Variants in BRCC3 observed in about 807,000 individuals in gnomAD.
The protein encoded by BRCC3 is BRCA1/BRCA2-containing complex subunit 3.
A neutral mutation model predicts 28.0 loss-of-function variants in BRCC3; 15 were observed. That is an observed-to-expected ratio of 0.54 (90% CI 0.36 to 0.82). BRCC3 has a LOEUF of 0.82. BRCC3 is among the 40% of genes least tolerant of loss of function. The pLI, the probability that BRCC3 is intolerant of heterozygous loss-of-function variation, is 0.01. For missense variants in BRCC3, 109 were observed against 225.9 expected (o/e 0.48, Z 3.32); for synonymous variants, 66 against 80.3 (o/e 0.82, Z 0.95).
chrX:155,115,395 G>A (rs1213204286), intron 7 of BRCC3, among the ~76,000 whole-genome samples: 3 of 111,801 alleles, frequency 2.7e-5, no homozygotes, highest in Non-Finnish European at 5.6e-5. Flanking sequence ...ACAGTGCCAG[G>A]GGCCTTCAAC....
In BRCC3 at chrX:155,083,471, A is replaced by G. The variant is rs1338143810; in HGVS notation, c.403+4768A>G. ...TGCCTCTCTTCCCCTTTTCCCTCCT[A>G]TTTTATCTTTGCCTCCTACATTCTC... On this transcript the variant is annotated intron_variant, in intron 5 of 10. Coordinates refer to ENST00000330045, the MANE Select transcript of BRCC3 (RefSeq NM_001018055.3). 2.7e-5 allele frequency among the ~76,000 whole-genome samples: 3 copies of G among 110,992 alleles called. No homozygotes were observed. The East Asian group carries it at 8.4e-4, about 31-fold the overall frequency.
rs1557299227 is a variant in BRCC3, at chrX:155,120,036, C to T, written c.762C>T (p.Val254=). The T allele has an allele frequency of 8.3e-7, 1 of 1,206,036 alleles. No homozygotes were observed. The highest frequency in any genetic ancestry group is 2.2e-5 in the Admixed American group (1 of 45,529). ...ATCTGTGCAGTCAGATGTCGGCAGT[C>T]AGCGGGCCTCTCCTACAGTGGTTGG... ...TKNLCSQMSA[V]SGPLLQWLED... Residue 254 remains valine (V), a synonymous_variant, in exon 10 of 11, where the codon GTC becomes GTT. Coordinates refer to ENST00000330045, the MANE Select transcript of BRCC3 (RefSeq NM_001018055.3).
chrX:155,093,293 T>C (rs2074186615), intron 7 of BRCC3, among the ~76,000 whole-genome samples: 1 of 110,886 alleles, frequency 9.0e-6, no homozygotes, highest in Admixed American at 9.5e-5. Context: ...GGAAATCTTA[T>C]TTGTAACTCA....
intron 5 of BRCC3, among the ~76,000 whole-genome samples, chrX:155,080,724 A>AGT (rs782454460): frequency 4.3e-4 from 48 of 112,212 alleles, no homozygotes; most frequent in African/African-American, 1.4e-3. Flanking sequence ...ATCTTGTTTC[A>AGT]GTCACTTACT....
chrX:155,076,307 T>C (rs1209826591), intron 3 of BRCC3, among the ~76,000 whole-genome samples: 6 of 111,018 alleles, frequency 5.4e-5, no homozygotes, highest in Admixed American at 2.9e-4. Context: ...GAGAATCGCT[T>C]GAACCCAGGA....
intron 7 of BRCC3, among the ~76,000 whole-genome samples, chrX:155,109,476 T>C (rs1557297889): frequency 8.9e-6 from 1 of 112,169 alleles, no homozygotes; most frequent in Admixed American, 9.4e-5. Flanking sequence ...GTGAAACATC[T>C]GAAAAGATTG....
intron 1 of BRCC3, among the ~76,000 whole-genome samples, 176 bp downstream of exon 1, chrX:155,071,826 C>T (rs1463508094): frequency 2.7e-5 from 3 of 111,642 alleles, no homozygotes; most frequent in Non-Finnish European, 5.7e-5. Context: ...CCGCCTGACA[C>T]TTGTTTAGTC....
intron 5 of BRCC3, among the ~76,000 whole-genome samples, chrX:155,084,221 T>C (rs1179660497): frequency 2.7e-5 from 3 of 112,597 alleles, no homozygotes; most frequent in African/African-American, 9.7e-5. Context: ...TTGGTACTGT[T>C]TGTAGAAGTT....
At chrX:155,072,268 C>T in intron 1 of BRCC3, 59 bp from the exon 2 acceptor site, 1 of 1,012,770 alleles carries the variant, frequency 9.9e-7, no homozygotes, top group Non-Finnish European at 1.4e-6. Flanking sequence ...AATCTGCATC[C>T]ATATATGTCA....
intron 3 of BRCC3, among the ~76,000 whole-genome samples, chrX:155,075,054 A>G (rs2074020206): frequency 8.9e-6 from 1 of 112,744 alleles, no homozygotes; most frequent in Non-Finnish European, 1.9e-5. Flanking sequence ...ATTTTAGTTA[A>G]CCTAAGTATC....
chrX:155,113,396 G>A, intron 7 of BRCC3, among the ~76,000 whole-genome samples: 1 of 109,435 alleles, frequency 9.1e-6, no homozygotes, highest in Admixed American at 9.8e-5. Flanking sequence ...ACCACTAAAT[G>A]GGAAAAAGAC....
chrX:155,071,681 C>T, intron 1 of BRCC3, 31 bp downstream of exon 1: 1 of 1,192,681 alleles, frequency 8.4e-7, no homozygotes, highest in Non-Finnish European at 1.1e-6. Context: ...GGATGGAACC[C>T]TGCTGAGCAG....
chrX:155,104,744 A>T (rs1557297259), intron 7 of BRCC3, among the ~76,000 whole-genome samples: 1 of 112,981 alleles, frequency 8.9e-6, no homozygotes, highest in Non-Finnish European at 1.9e-5. Context: ...GTTCAACCTG[A>T]TAACTCCAAT....
intron 9 of BRCC3, among the ~76,000 whole-genome samples, chrX:155,117,493 G>C (rs1204005097): frequency 9.0e-6 from 1 of 111,410 alleles, no homozygotes; most frequent in Non-Finnish European, 1.9e-5. Context: ...GGAAGAAGGG[G>C]AGGCTTTTGA....
chrX:155,084,633 G>C (rs2074108951), intron 5 of BRCC3, among the ~76,000 whole-genome samples: 1 of 111,877 alleles, frequency 8.9e-6, no homozygotes, highest in Admixed American at 9.4e-5. Context: ...AAAGTGCTGG[G>C]ATTACAGGCC....
At chrX:155,113,495 T>A (rs1253096397) in intron 7 of BRCC3, among the ~76,000 whole-genome samples, 1 of 111,080 alleles carries the variant, frequency 9.0e-6, no homozygotes, top group African/African-American at 3.3e-5. Flanking sequence ...TATATAAAAC[T>A]TAAATGAATT....
At chrX:155,086,356 G>A (rs986024737) in intron 5 of BRCC3, among the ~76,000 whole-genome samples, 17 of 111,027 alleles carry the variant, frequency 1.5e-4, no homozygotes, top group African/African-American at 3.9e-4. Context: ...GCCTGCCCTC[G>A]CTTCCTCCCT....
rs367858124 is a variant in BRCC3 at position 155,116,193 on chromosome X, A to G, written c.680+5A>G. The G allele has an allele frequency of 1.4e-5, 17 of 1,175,932 alleles. No homozygotes were observed. In the African/African-American group the frequency reaches 2.1e-4, roughly 15 times the overall value. On this transcript the variant is annotated splice_donor_5th_base_variant and intron_variant, in intron 8 of 10. Transcript: ENST00000330045. The stretch of plus-strand genomic sequence containing the variant: ...TGCGTATAGGAGGATCCACAGGTAG[A>G]GACCCTCTTCACTCCTCTTCTCTAC...
intron 9 of BRCC3, among the ~76,000 whole-genome samples, chrX:155,118,511 T>A (rs1391799416): frequency 2.7e-5 from 3 of 112,020 alleles, no homozygotes; most frequent in Non-Finnish European, 5.6e-5. Flanking sequence ...CATTTTGTGT[T>A]GTTATGAAGG....
Sources: gnomAD v4.1 joint callset for allele counts (sites outside exome capture counted in the v4.1 genomes callset) on GRCh38, gnomAD v4.1.1 for gene constraint, MANE v1.5 for transcripts, NCBI Gene and HGNC (gene_info 2026-07-23, HGNC 2026-07-21) for gene names.